The following CCDC60 variants were observed in gnomAD, a reference collection of about 807,000 sequenced individuals.
The protein encoded by CCDC60 is coiled-coil domain-containing protein 60.
In CCDC60, 54 loss-of-function variants were observed where a neutral mutation model predicts 63.5. That is an observed-to-expected ratio of 0.85 (90% CI 0.68 to 1.07). The LOEUF (loss-of-function observed/expected upper bound fraction) is 1.07. Among genes scored for constraint, CCDC60 ranks in the 50% least tolerant of loss-of-function variants. The probability of loss-of-function intolerance (pLI) is 0.00; values close to 1 mark genes in which losing one functional copy is unlikely to be tolerated. For synonymous variants in CCDC60, 206 were observed against 238.8 expected (o/e 0.86, Z 1.27); for missense variants, 651 against 684.3 (o/e 0.95, Z 0.54).
At chr12:119,525,889 T>C (rs916054797) in intron 11 of CCDC60, among the ~76,000 whole-genome samples, 6 of 152,174 alleles carry the variant, frequency 3.9e-5, no homozygotes, top group East Asian at 1.9e-4. Flanking sequence ...CAAAAAGATA[T>C]TCTTCACAGA....
chr12:119,464,790 G>C (rs1011486313), intron 2 of CCDC60, among the ~76,000 whole-genome samples: 7 of 152,120 alleles, frequency 4.6e-5, no homozygotes, highest in African/African-American at 1.7e-4. Flanking sequence ...AGGTCACTCC[G>C]ATCCAATGTA....
At chr12:119,336,629 A>T (rs1289120071) in intron 1 of CCDC60, among the ~76,000 whole-genome samples, 1 of 152,196 alleles carries the variant, frequency 6.6e-6, no homozygotes, top group African/African-American at 2.4e-5. Context: ...GTGACTTTAG[A>T]CAGGTGAATT....
chr12:119,495,383 T>C (rs1451461076), intron 5 of CCDC60, among the ~76,000 whole-genome samples: 1 of 152,248 alleles, frequency 6.6e-6, no homozygotes, highest in African/African-American at 2.4e-5. Context: ...TTATCACATA[T>C]AAACTGCAAT....
chr12:119,482,009 A>ATATATATGTGTATATATATGTATATATAG (rs774808817), intron 4 of CCDC60, among the ~76,000 whole-genome samples: 4 of 40,648 alleles, frequency 9.8e-5, no homozygotes, highest in African/African-American at 2.4e-4. Context: ...TATATATAGT[A>ATATATATGTGTATATATATGTATATATAG]TATATATATG....
chr12:119,361,959 T>A (rs1386983183), intron 1 of CCDC60, among the ~76,000 whole-genome samples: 1 of 152,200 alleles, frequency 6.6e-6, no homozygotes, highest in Non-Finnish European at 1.5e-5. Flanking sequence ...TATGGCCATA[T>A]AATTTATTGC....
chr12:119,361,855 G>A (rs1474958747), intron 1 of CCDC60, among the ~76,000 whole-genome samples: 2 of 152,182 alleles, frequency 1.3e-5, no homozygotes, highest in African/African-American at 4.8e-5. Flanking sequence ...CCACTAAAAT[G>A]AACAAGGTTA....
At chr12:119,339,223 C>G (rs1013744122) in intron 1 of CCDC60, among the ~76,000 whole-genome samples, 2 of 152,090 alleles carry the variant, frequency 1.3e-5, no homozygotes, top group African/African-American at 4.8e-5. Context: ...CACGGACCCA[C>G]GATTTCTGCC....
At chr12:119,345,878 C>T (rs566334610) in intron 1 of CCDC60, among the ~76,000 whole-genome samples, 78 of 151,780 alleles carry the variant, frequency 5.1e-4, no homozygotes, top group Non-Finnish European at 8.8e-4. Context: ...AGTGCAGTGG[C>T]GCGATCTCAG....
chr12:119,416,360 C>A (rs1357489493), intron 1 of CCDC60, among the ~76,000 whole-genome samples: 3 of 152,000 alleles, frequency 2.0e-5, no homozygotes, highest in Non-Finnish European at 4.4e-5. Context: ...GCCTGGGAAA[C>A]AAGAGCAAGA....
intron 6 of CCDC60, 42 bp from the exon 7 acceptor site, chr12:119,505,026 TC>T (rs1951953149): frequency 7.0e-7 from 1 of 1,425,252 alleles, no homozygotes. Flanking sequence ...TCCATCTTTT[TC>T]CCCCTCCTTC....
rs139458862 is a variant in CCDC60, at chr12:119,465,587, G to A, written c.171-6407G>A. On this transcript the variant is annotated intron_variant, in intron 2 of 13. Transcript: ENST00000327554. The stretch of plus-strand genomic sequence containing the variant: ...AGCCTTGATAACATGGTGAAACCCC[G>A]TCTCTACTAAAAATATAAAAACTAG... 7.1e-3 allele frequency among the ~76,000 whole-genome samples: 1,076 copies of A among 151,998 alleles called. 38 individuals carry two copies. The highest frequency in any genetic ancestry group is 0.058 in the East Asian group (299 of 5,144).
At chr12:119,415,244 A>G (rs1956678790) in intron 1 of CCDC60, among the ~76,000 whole-genome samples, 1 of 152,240 alleles carries the variant, frequency 6.6e-6, no homozygotes, top group Non-Finnish European at 1.5e-5. Context: ...GGAATGCATC[A>G]CAGCAAAGAG....
intron 1 of CCDC60, among the ~76,000 whole-genome samples, chr12:119,401,504 C>T (rs1041760338): frequency 1.3e-5 from 2 of 152,166 alleles, no homozygotes; most frequent in Admixed American, 6.5e-5. Flanking sequence ...AGAGACAGCC[C>T]GACAATCTCA....
intron 1 of CCDC60, among the ~76,000 whole-genome samples, chr12:119,428,375 C>T (rs1956936776): frequency 6.6e-6 from 1 of 152,044 alleles, no homozygotes; most frequent in Admixed American, 6.5e-5. Flanking sequence ...GGAGTGATTC[C>T]CCATTCTACT....
At chr12:119,374,424 G>T (rs1204385231) in intron 1 of CCDC60, among the ~76,000 whole-genome samples, 4 of 152,138 alleles carry the variant, frequency 2.6e-5, no homozygotes, top group African/African-American at 9.7e-5. Context: ...GAGGTAGTAA[G>T]TATGAAGCTA....
chr12:119,352,958 TAA>T (rs34501748), intron 1 of CCDC60, among the ~76,000 whole-genome samples: 4 of 151,124 alleles, frequency 2.6e-5, no homozygotes, highest in Non-Finnish European at 5.9e-5. Context: ...AAATTAAAAT[TAA>T]AAAAAAATAA....
intron 1 of CCDC60, among the ~76,000 whole-genome samples, chr12:119,371,074 TG>T (rs920123390): frequency 2.0e-5 from 3 of 152,286 alleles, no homozygotes; most frequent in South Asian, 2.1e-4. Context: ...TTAATCACCC[TG>T]GGCCCTGGAC....
chr12:119,394,594 C>T (rs1410380072), intron 1 of CCDC60, among the ~76,000 whole-genome samples: 2 of 152,236 alleles, frequency 1.3e-5, no homozygotes, highest in Non-Finnish European at 2.9e-5. Flanking sequence ...CAGTAATTCT[C>T]ATGGGTGACC....
intron 11 of CCDC60, chr12:119,524,306 T>C (rs1160022216): frequency 4.6e-6 from 1 of 217,314 alleles, no homozygotes; most frequent in East Asian, 1.8e-4. Flanking sequence ...AGAGTTATGA[T>C]GCGGGATTTG....
Sources: gnomAD v4.1 joint callset for allele counts (sites outside exome capture counted in the v4.1 genomes callset) on GRCh38, gnomAD v4.1.1 for gene constraint, MANE v1.5 for transcripts, NCBI Gene and HGNC (gene_info 2026-07-23, HGNC 2026-07-21) for gene names.